The following WWOX variants were observed in gnomAD, a reference collection of about 807,000 sequenced individuals.
WWOX encodes the protein WW domain containing oxidoreductase.
WWOX carries 69 observed loss-of-function variants against 46.2 expected under a neutral mutation model. The ratio of observed to expected loss-of-function variants is 1.49; its 90% CI spans 1.23 to 1.82. The LOEUF is 1.82. WWOX is among the 40% of genes most tolerant of loss of function. The pLI is 0.00. For missense variants in WWOX, 919 were observed against 542.6 expected, an observed-to-expected ratio of 1.69 and a Z score of -6.89; for synonymous variants, 359 against 202.6, an observed-to-expected ratio of 1.77 and a Z score of -6.56.
chr16:78,714,386 G>T (rs983340928), intron 8 of WWOX, among the ~76,000 whole-genome samples: 1 of 152,012 alleles, frequency 6.6e-6, no homozygotes, highest in Admixed American at 6.6e-5. Flanking sequence ...AAAACCATCA[G>T]ATCTCGTGAG....
chr16:78,904,231 T>C (rs1392022829), intron 8 of WWOX, among the ~76,000 whole-genome samples: 4 of 142,560 alleles, frequency 2.8e-5, no homozygotes, highest in African/African-American at 7.7e-5. Context: ...ATCTTATAAA[T>C]GCCTTTTTTT....
At chr16:78,863,476 G>C (rs907518626) in intron 8 of WWOX, among the ~76,000 whole-genome samples, 32 of 152,262 alleles carry the variant, frequency 2.1e-4, no homozygotes, top group African/African-American at 7.5e-4. Context: ...TCTTTCATCA[G>C]AGAGTCACCA....
chr16:79,097,002 T>C (rs992450456), intron 8 of WWOX, among the ~76,000 whole-genome samples: 4 of 151,916 alleles, frequency 2.6e-5, no homozygotes, highest in Non-Finnish European at 5.9e-5. Flanking sequence ...TCGTGGGTTT[T>C]GCAACTTTCT....
chr16:78,314,661 A>T (rs139414688), intron 5 of WWOX, among the ~76,000 whole-genome samples: 5,742 of 140,000 alleles, frequency 0.041, 212 homozygotes, highest in Non-Finnish European at 0.059. Context: ...AGTAGCTGGG[A>T]CTACAGGCAC....
rs531170148 is a variant in WWOX at position 78,783,401 on chromosome 16, C to T, written c.1056+350649C>T. Among the ~76,000 whole-genome samples, 109 of 152,290 alleles carry T rather than the reference C, an allele frequency of 7.2e-4. 1 individual carries two copies. Among genetic ancestry groups the T allele is most frequent in the African/African-American group, 2.6e-3 (106 of 41,564 alleles). ...AAGGGGAGGGAAATTGTTAGCTACA[C>T]GACCAAGAGACAGAAGAGAGGAAGG... On this transcript the variant is annotated intron_variant, in intron 8 of 8. Coordinates refer to ENST00000566780, the MANE Select transcript of WWOX (RefSeq NM_016373.4).
At chr16:78,109,656 A>T in intron 2 of WWOX, 122 bp from the exon 3 acceptor site, 1 of 928,944 alleles carries the variant, frequency 1.1e-6, no homozygotes, top group Non-Finnish European at 1.7e-6. Context: ...AGTTGATGTG[A>T]CAACTGCTGG....
At position 78,947,930 on chromosome 16, in the gene WWOX, A is replaced by T. The variant is rs1428224555; in HGVS notation, c.1057-263678A>T. ...TGGATATTTAATTATGTCATTGAAA[A>T]AAACACCAGTAATTAAATCATTATT... On this transcript the variant is annotated intron_variant, in intron 8 of 8. Transcript: ENST00000566780. 2.6e-5 allele frequency among the ~76,000 whole-genome samples: 4 copies of T among 152,362 alleles called. No individual in the cohort carries two copies. The South Asian group carries it at 8.3e-4, about 32-fold the overall frequency.
At chr16:78,952,225 T>C (rs975469364) in intron 8 of WWOX, among the ~76,000 whole-genome samples, 3 of 152,114 alleles carry the variant, frequency 2.0e-5, no homozygotes, top group Non-Finnish European at 4.4e-5. Flanking sequence ...TTACTTTGCC[T>C]CTACTCAGTC....
intron 5 of WWOX, among the ~76,000 whole-genome samples, chr16:78,299,997 T>A (rs1418500094): frequency 6.6e-6 from 1 of 152,168 alleles, no homozygotes; most frequent in African/African-American, 2.4e-5. Flanking sequence ...TGTTGGTTCA[T>A]CTGTAACAGC....
At chr16:78,292,408 G>A (rs150717162) in intron 5 of WWOX, among the ~76,000 whole-genome samples, 173 of 152,294 alleles carry the variant, frequency 1.1e-3, no homozygotes, top group African/African-American at 4.0e-3. Flanking sequence ...TTCCAAACAT[G>A]TTTGAATGGA....
intron 5 of WWOX, among the ~76,000 whole-genome samples, chr16:78,355,040 G>C (rs376803111): frequency 2.2e-4 from 34 of 151,758 alleles, no homozygotes; most frequent in African/African-American, 7.7e-4. Flanking sequence ...GCTGAGGCAG[G>C]CGAACTGCTT....
chr16:78,461,217 G>A (rs2083938993), intron 8 of WWOX, among the ~76,000 whole-genome samples: 1 of 152,140 alleles, frequency 6.6e-6, no homozygotes, highest in African/African-American at 2.4e-5. Context: ...CTTTAAATCA[G>A]AGAGCCCACC....
chr16:78,482,067 T>C (rs1955490250), intron 8 of WWOX, among the ~76,000 whole-genome samples: 2 of 152,120 alleles, frequency 1.3e-5, no homozygotes, highest in African/African-American at 4.8e-5. Flanking sequence ...GTGCTTGTTA[T>C]GGTCCCACCT....
intron 8 of WWOX, among the ~76,000 whole-genome samples, chr16:78,625,568 C>T (rs989825269): frequency 7.9e-5 from 12 of 151,936 alleles, no homozygotes; most frequent in East Asian, 7.8e-4. Context: ...ATTATTTTAA[C>T]GTCTTATGTT....
chr16:78,352,426 C>A (rs1388876758), intron 5 of WWOX, among the ~76,000 whole-genome samples: 1 of 152,248 alleles, frequency 6.6e-6, no homozygotes, highest in African/African-American at 2.4e-5. Flanking sequence ...AGAGAACCCA[C>A]TTCCTTGCTG....
intron 8 of WWOX, among the ~76,000 whole-genome samples, chr16:78,714,526 C>T (rs1322641257): frequency 6.6e-6 from 1 of 151,810 alleles, no homozygotes; most frequent in Non-Finnish European, 1.5e-5. Flanking sequence ...TTGGTGGGGA[C>T]ACAGACACAC....
At chr16:78,886,241 A>G (rs10451156) in intron 8 of WWOX, among the ~76,000 whole-genome samples, 1 of 138,712 alleles carries the variant, frequency 7.2e-6, no homozygotes, top group South Asian at 2.4e-4. Context: ...TTTTTTTTTT[A>G]AAGTATACCC....
chr16:78,634,977 A>G (rs2046533399), intron 8 of WWOX, among the ~76,000 whole-genome samples: 1 of 152,020 alleles, frequency 6.6e-6, no homozygotes, highest in Non-Finnish European at 1.5e-5. Flanking sequence ...GAGCCTGTAA[A>G]TAAATTCATA....
intron 8 of WWOX, among the ~76,000 whole-genome samples, chr16:78,966,241 C>G (rs1215778388): frequency 3.3e-5 from 5 of 152,162 alleles, no homozygotes; most frequent in Admixed American, 6.5e-5. Flanking sequence ...GTTTAAGAGG[C>G]TATAGGTTAA....
Sources: gnomAD v4.1 joint callset for allele counts (sites outside exome capture counted in the v4.1 genomes callset) on GRCh38, gnomAD v4.1.1 for gene constraint, MANE v1.5 for transcripts, NCBI Gene and HGNC (gene_info 2026-07-23, HGNC 2026-07-21) for gene names.